CRPPA: variants seen among roughly 807,000 people sequenced by gnomAD.
CRPPA encodes CDP-L-ribitol pyrophosphorylase A.
CRPPA carries 43 observed loss-of-function variants against 52.0 expected under a neutral mutation model. That is an observed-to-expected ratio of 0.83 (90% CI 0.65 to 1.07). The LOEUF is 1.07. Among genes scored for constraint, CRPPA ranks in the 50% least tolerant of loss-of-function variants. The pLI is 0.00. For synonymous variants in CRPPA, 250 were observed against 203.5 expected, an observed-to-expected ratio of 1.23 and a Z score of -1.94; for missense variants, 629 against 551.7, an observed-to-expected ratio of 1.14 and a Z score of -1.40.
Position 16,089,175 on chromosome 7 carries a change from T to C in CRPPA, c.*2520A>G, listed in dbSNP as rs1263982796. The C allele has an allele frequency of 3.3e-6, 1 of 304,096 alleles. No individual in the cohort carries two copies. The highest frequency in any genetic ancestry group is 2.1e-5 in the African/African-American group (1 of 46,910). The allele number at this position is 304,096 out of a possible 1,614,324, so 18.8% of individuals were successfully genotyped here. On this transcript the variant is annotated 3_prime_UTR_variant, in exon 10 of 10. Coordinates refer to ENST00000407010, the MANE Select transcript of CRPPA (RefSeq NM_001101426.4). ...TAAAACATAAAAATACATATATACG[T>C]ACGTATATACATATATGTGTGTATA...
intron 9 of CRPPA, among the ~76,000 whole-genome samples, chr7:16,207,884 A>G (rs1293022232): frequency 6.6e-6 from 1 of 152,214 alleles, no homozygotes; most frequent in Non-Finnish European, 1.5e-5. Context: ...GTTTTCCGTA[A>G]GTCCACAACA....
At chr7:16,290,765 C>A (rs1035267150) in intron 5 of CRPPA, among the ~76,000 whole-genome samples, 5 of 151,720 alleles carry the variant, frequency 3.3e-5, no homozygotes, top group African/African-American at 9.7e-5. Context: ...TCCAAAAGCA[C>A]GAACAAGAAC....
chr7:16,381,301 T>C (rs1787081224), intron 2 of CRPPA, among the ~76,000 whole-genome samples: 1 of 152,162 alleles, frequency 6.6e-6, no homozygotes, highest in Admixed American at 6.5e-5. Flanking sequence ...TTGAGTGGTT[T>C]TGAGTGAGTT....
chr7:16,108,978 G>GA (rs926257460), intron 9 of CRPPA, among the ~76,000 whole-genome samples: 6 of 151,198 alleles, frequency 4.0e-5, no homozygotes, highest in Non-Finnish European at 8.9e-5. Context: ...ATCAAAAAAA[G>GA]AAAAAAACAT....
At chr7:16,276,818 T>A (rs1302314803) in intron 6 of CRPPA, 1 of 152,216 alleles carries the variant, frequency 6.6e-6, no homozygotes, top group Non-Finnish European at 1.5e-5. Flanking sequence ...AAGTTCACTG[T>A]CATCTTTCAG....
chr7:16,326,689 T>C (rs183497398), intron 3 of CRPPA, among the ~76,000 whole-genome samples: 41 of 152,350 alleles, frequency 2.7e-4, no homozygotes, highest in African/African-American at 8.9e-4. Context: ...CCAAATCCTA[T>C]AGCATTTGTT....
At chr7:16,217,927 G>A (rs1431529345) in intron 8 of CRPPA, among the ~76,000 whole-genome samples, 1 of 151,416 alleles carries the variant, frequency 6.6e-6, no homozygotes, top group Non-Finnish European at 1.5e-5. Context: ...TTCAGATTCA[G>A]GAAATACAGA....
At chr7:16,111,760 TA>T (rs1266945640) in intron 9 of CRPPA, among the ~76,000 whole-genome samples, 8 of 152,120 alleles carry the variant, frequency 5.3e-5, no homozygotes. Flanking sequence ...AAGATGGGGT[TA>T]GGGGAATGGG....
chr7:16,282,860 A>G (rs1348720107), intron 5 of CRPPA, among the ~76,000 whole-genome samples: 1 of 152,088 alleles, frequency 6.6e-6, no homozygotes, highest in East Asian at 1.9e-4. Flanking sequence ...AATTTCTTAC[A>G]GTGTCTATGG....
At chr7:16,286,161 G>A (rs1281492391) in intron 5 of CRPPA, among the ~76,000 whole-genome samples, 2 of 137,042 alleles carry the variant, frequency 1.5e-5, no homozygotes, top group Admixed American at 7.6e-5. Context: ...TGGCTCTGAT[G>A]GTTAATTTGT....
intron 9 of CRPPA, among the ~76,000 whole-genome samples, chr7:16,109,310 A>C (rs1203062866): frequency 6.6e-6 from 1 of 151,968 alleles, no homozygotes; most frequent in African/African-American, 2.4e-5. Context: ...GTAACCCAGA[A>C]TAAATGCATA....
chr7:16,090,239 T>C lies in CRPPA; in HGVS notation c.*1456A>G, dbSNP rs943745495. The C allele has an allele frequency of 1.3e-5, 2 of 152,066 alleles. No homozygotes were observed. The highest frequency in any genetic ancestry group is 4.1e-4 in the South Asian group (2 of 4,826). 9.4% of individuals were successfully genotyped at this position (152,066 alleles called of 1,614,324 possible). A position where few individuals can be genotyped will look rare whatever the true frequency, so the allele number is the denominator to read the frequency against. The stretch of plus-strand genomic sequence containing the variant: ...ACATTTCAATTAGGAGAATGTAAAA[T>C]ATAAACTCTCCTACTATATATATAC... On this transcript the variant is annotated 3_prime_UTR_variant, in exon 10 of 10. Coordinates refer to ENST00000407010, the MANE Select transcript of CRPPA (RefSeq NM_001101426.4).
chr7:16,243,957 C>T (rs962375339), intron 8 of CRPPA, among the ~76,000 whole-genome samples: 6 of 152,132 alleles, frequency 3.9e-5, no homozygotes, highest in Non-Finnish European at 8.8e-5. Flanking sequence ...GAGTGAGATC[C>T]TGTCTCAGTC....
chr7:16,377,190 A>G (rs1167305589), intron 2 of CRPPA, among the ~76,000 whole-genome samples: 1 of 152,184 alleles, frequency 6.6e-6, no homozygotes, highest in African/African-American at 2.4e-5. Flanking sequence ...TGTATGAGCC[A>G]AAGAGACGGT....
intron 9 of CRPPA, among the ~76,000 whole-genome samples, chr7:16,174,885 C>G (rs576625463): frequency 4.6e-5 from 7 of 152,162 alleles, no homozygotes; most frequent in Admixed American, 2.0e-4. Context: ...TAATTTCCAT[C>G]CTACTCTTTG....
chr7:16,128,859 AAAG>A lies in CRPPA; in HGVS notation c.1252-37063_1252-37061del, dbSNP rs1562518243. Among the ~76,000 whole-genome samples, 15 of 152,308 alleles carry A rather than the reference AAAG, an allele frequency of 9.8e-5. No individual in the cohort carries two copies. The South Asian group carries it at 3.1e-3, about 32-fold the overall frequency. On this transcript the variant is annotated intron_variant, in intron 9 of 9. Transcript: ENST00000407010. ...AGGTATAAAATGAGTAGAAGAAAAG[AAAG>A]AAGAATATAATAACAGAAGCAAATG...
At chr7:16,168,812 T>C (rs1297318481) in intron 9 of CRPPA, among the ~76,000 whole-genome samples, 3 of 152,180 alleles carry the variant, frequency 2.0e-5, no homozygotes, top group Non-Finnish European at 4.4e-5. Flanking sequence ...ATGTATACTA[T>C]ATGGCTTTAT....
chr7:16,221,547 C>T (rs1361442992), intron 8 of CRPPA, among the ~76,000 whole-genome samples: 1 of 152,098 alleles, frequency 6.6e-6, no homozygotes, highest in Admixed American at 6.6e-5. Flanking sequence ...ACCTACTCAT[C>T]TGACAAAGGG....
chr7:16,163,530 T>A (rs755928292), intron 9 of CRPPA, among the ~76,000 whole-genome samples: 3 of 152,208 alleles, frequency 2.0e-5, no homozygotes, highest in African/African-American at 7.2e-5. Context: ...AGGTTAATAT[T>A]GTTATGTGTG....
Sources: allele counts gnomAD v4.1 joint callset (sites outside exome capture counted in the v4.1 genomes callset), GRCh38; gene constraint gnomAD v4.1.1; transcripts MANE v1.5; gene names NCBI Gene and HGNC (gene_info 2026-07-23, HGNC 2026-07-21).